PLEKHM3: variants seen among roughly 807,000 people sequenced by gnomAD.
The protein encoded by PLEKHM3 is pleckstrin homology domain-containing family M member 3.
A neutral mutation model predicts 81.8 loss-of-function variants in PLEKHM3; 45 were observed. The observed-to-expected ratio is 0.55, with a 90% CI of 0.43 to 0.71. PLEKHM3 has a LOEUF of 0.71. Among genes scored for constraint, PLEKHM3 ranks in the 30% least tolerant of loss-of-function variants. PLEKHM3 has a pLI of 0.00. For missense variants in PLEKHM3, 788 were observed against 924.3 expected, an observed-to-expected ratio of 0.85 and a Z score of 1.91; for synonymous variants, 352 against 356.4, an observed-to-expected ratio of 0.99 and a Z score of 0.14.
intron 6 of PLEKHM3, among the ~76,000 whole-genome samples, chr2:207,893,662 T>C (rs1036614728): frequency 6.6e-6 from 1 of 152,176 alleles, no homozygotes; most frequent in East Asian, 1.9e-4. Context: ...CACACACATA[T>C]ATATGCATGA....
intron 1 of PLEKHM3, among the ~76,000 whole-genome samples, chr2:208,013,166 G>T (rs543831424): frequency 6.6e-6 from 1 of 152,304 alleles, no homozygotes; most frequent in East Asian, 1.9e-4. Flanking sequence ...TCAGTCGAAA[G>T]AAATCAAAAA....
rs1054113107 is a variant in PLEKHM3 at position 207,981,879 on chromosome 2, T to C, written c.611-4293A>G. Reference sequence around the variant, plus strand: ...ATCATATAATAATGAAGTGAAAGTGTTTGACTTCATAAATGAATATCATCA... The same window carrying C: ...ATCATATAATAATGAAGTGAAAGTGCTTGACTTCATAAATGAATATCATCA... On this transcript the variant is annotated intron_variant, in intron 2 of 7. Transcript: ENST00000427836. 8.5e-5 allele frequency among the ~76,000 whole-genome samples: 13 copies of C among 152,198 alleles called. 1 individual carries two copies. Among genetic ancestry groups the C allele is most frequent in the Non-Finnish European group, 4.4e-5 (3 of 68,036 alleles).
At chr2:207,840,261 T>C (rs1170181531) in intron 7 of PLEKHM3, among the ~76,000 whole-genome samples, 1 of 152,208 alleles carries the variant, frequency 6.6e-6, no homozygotes, top group Non-Finnish European at 1.5e-5. Context: ...CATAGTTCAC[T>C]GCAGCCTCAA....
At chr2:207,893,550 C>T (rs974917486) in intron 6 of PLEKHM3, among the ~76,000 whole-genome samples, 11 of 152,204 alleles carry the variant, frequency 7.2e-5, no homozygotes, top group African/African-American at 1.9e-4. Flanking sequence ...TCCAGACATG[C>T]GGGATCCTGG....
At chr2:207,884,374 A>G (rs1305667373) in intron 6 of PLEKHM3, among the ~76,000 whole-genome samples, 1 of 152,248 alleles carries the variant, frequency 6.6e-6, no homozygotes, top group Non-Finnish European at 1.5e-5. Context: ...AAAAAACTAC[A>G]GAATGGAAAG....
intron 2 of PLEKHM3, among the ~76,000 whole-genome samples, chr2:207,980,568 T>C (rs1212707005): frequency 6.6e-6 from 1 of 152,092 alleles, no homozygotes; most frequent in Non-Finnish European, 1.5e-5. Flanking sequence ...AAATGGCCTT[T>C]TATTTATTTT....
At chr2:207,947,847 T>G (rs941171583) in intron 3 of PLEKHM3, among the ~76,000 whole-genome samples, 1 of 152,200 alleles carries the variant, frequency 6.6e-6, no homozygotes, top group African/African-American at 2.4e-5. Context: ...CTGATTCACA[T>G]GAACTCCATG....
At chr2:207,986,880 A>G in intron 2 of PLEKHM3, among the ~76,000 whole-genome samples, 1 of 128,962 alleles carries the variant, frequency 7.8e-6, no homozygotes, top group Non-Finnish European at 1.6e-5. Flanking sequence ...GGGCCTCGCT[A>G]TGTTGCCCAG....
chr2:207,922,376 C>T (rs987107279), intron 5 of PLEKHM3, among the ~76,000 whole-genome samples: 7 of 152,216 alleles, frequency 4.6e-5, no homozygotes, highest in South Asian at 2.1e-4. Context: ...AACTATTCTA[C>T]ACATAATTAC....
rs747404039 is a variant in PLEKHM3, at chr2:207,935,161, C to CA, written c.1693-4043dup. ...TGTGTTCCAAGGAACACTAGTCCCA[C>CA]AAAAAAAGACGTTTTAAGGTCCAAT... On this transcript the variant is annotated intron_variant, in intron 4 of 7. Coordinates refer to ENST00000427836, the MANE Select transcript of PLEKHM3 (RefSeq NM_001080475.3). Among the ~76,000 whole-genome samples the CA allele has an allele frequency of 5.8e-3, 887 of 152,128 alleles. 27 individuals are homozygous for CA. Among genetic ancestry groups the CA allele is most frequent in the Admixed American group, 0.054 (825 of 15,282 alleles).
At chr2:207,964,803 A>G (rs6435401) in intron 3 of PLEKHM3, among the ~76,000 whole-genome samples, 88,579 of 152,018 alleles carry the variant, frequency 0.58, 26,448 homozygotes, top group Non-Finnish European at 0.65. Context: ...ATGTTAACAT[A>G]TTTCAAGGTA....
At chr2:208,013,813 GAA>G (rs1228352160) in intron 1 of PLEKHM3, among the ~76,000 whole-genome samples, 187 of 152,332 alleles carry the variant, frequency 1.2e-3, no homozygotes, top group Non-Finnish European at 2.5e-3. Context: ...GCAGAAGGGA[GAA>G]TACTTAAAAC....
At chr2:207,901,106 T>C (rs1169750476) in intron 6 of PLEKHM3, 2 of 607,246 alleles carry the variant, frequency 3.3e-6, no homozygotes, top group Non-Finnish European at 5.9e-6. Context: ...GGAATCCTTA[T>C]CTCAACTGAG....
At chr2:207,995,547 G>A (rs375325619) in intron 2 of PLEKHM3, among the ~76,000 whole-genome samples, 4 of 152,184 alleles carry the variant, frequency 2.6e-5, no homozygotes, top group African/African-American at 7.2e-5. Context: ...TCAAATTGAG[G>A]CTCCACTCCT....
At chr2:207,904,930 T>C (rs756523239) in intron 6 of PLEKHM3, among the ~76,000 whole-genome samples, 1 of 152,228 alleles carries the variant, frequency 6.6e-6, no homozygotes, top group African/African-American at 2.4e-5. Context: ...TTTTTAAGTA[T>C]TATTAGTGCT....
chr2:207,977,459 G>A lies in PLEKHM3; in HGVS notation c.738C>T (p.Asp246=), dbSNP rs1232198457. The A allele has an allele frequency of 3.1e-6, 5 of 1,614,206 alleles. No individual in the cohort carries two copies. The highest frequency in any genetic ancestry group is 3.4e-6 in the Non-Finnish European group (4 of 1,180,032). The change falls in exon 3 of 8, where the codon GAC becomes GAT. Residue 246 remains aspartate (D), a synonymous_variant. Coordinates refer to ENST00000427836, the MANE Select transcript of PLEKHM3 (RefSeq NM_001080475.3). The part of the protein sequence containing the change: ...SPYNLYFYSL[D]SSGNQNLYAT... ...CATAAAGGTTTTGATTCCCACTGCTGTCGAGGCTGTAGAAGTATAAGTTGT... is the reference window on the plus strand; with the variant it reads ...CATAAAGGTTTTGATTCCCACTGCTATCGAGGCTGTAGAAGTATAAGTTGT...
intron 1 of PLEKHM3, among the ~76,000 whole-genome samples, chr2:208,021,682 G>A (rs989997157): frequency 6.6e-6 from 1 of 152,078 alleles, no homozygotes; most frequent in African/African-American, 2.4e-5. Flanking sequence ...TTGAAAATAC[G>A]AAAGAGAATA....
chr2:207,884,288 T>C (rs1353396208), intron 6 of PLEKHM3, among the ~76,000 whole-genome samples: 1 of 152,200 alleles, frequency 6.6e-6, no homozygotes, highest in Non-Finnish European at 1.5e-5. Flanking sequence ...CTAGATACGA[T>C]GTCTGCTCTC....
chr2:207,860,149 C>CTGTGTGTG (rs1491556619), intron 7 of PLEKHM3, among the ~76,000 whole-genome samples: 34 of 63,822 alleles, frequency 5.3e-4, no homozygotes, highest in African/African-American at 1.6e-3. Context: ...TGAACTCTGC[C>CTGTGTGTG]TCTGTGTGTG....
Sources: gnomAD v4.1 joint callset for allele counts (sites outside exome capture counted in the v4.1 genomes callset) on GRCh38, gnomAD v4.1.1 for gene constraint, MANE v1.5 for transcripts, NCBI Gene and HGNC (gene_info 2026-07-23, HGNC 2026-07-21) for gene names.